Variants in DSCAM observed in about 807,000 individuals in gnomAD.
DSCAM encodes the protein DS cell adhesion molecule.
A neutral mutation model predicts 217.7 loss-of-function variants in DSCAM; 47 were observed. That is an observed-to-expected ratio of 0.22 (90% CI 0.17 to 0.28). The LOEUF is 0.28. Among genes scored for constraint, DSCAM ranks in the 10% least tolerant of loss-of-function variants. The pLI is 1.00. For missense variants in DSCAM, 2,080 were observed against 2,618.3 expected, an observed-to-expected ratio of 0.79 and a Z score of 4.49; for synonymous variants, 1,056 against 1,015.3, an observed-to-expected ratio of 1.04 and a Z score of -0.76.
intron 3 of DSCAM, among the ~76,000 whole-genome samples, chr21:40,690,066 T>G (rs998139261): frequency 3.3e-5 from 5 of 152,188 alleles, no homozygotes; most frequent in African/African-American, 1.2e-4. Context: ...TCCTTATCTG[T>G]GCCTTGTGCT....
intron 1 of DSCAM, among the ~76,000 whole-genome samples, chr21:40,811,408 C>T (rs549051108): frequency 9.8e-4 from 149 of 152,328 alleles, no homozygotes; most frequent in African/African-American, 3.5e-3. Flanking sequence ...TGATAACCTA[C>T]CAAATACTTG....
intron 6 of DSCAM, among the ~76,000 whole-genome samples, chr21:40,344,122 C>T (rs2074531854): frequency 6.6e-6 from 1 of 152,110 alleles, no homozygotes; most frequent in Non-Finnish European, 1.5e-5. Flanking sequence ...TGGTCTCAAA[C>T]TCCTGACCTC....
At chr21:40,119,131 G>T (rs1361712971) in intron 20 of DSCAM, among the ~76,000 whole-genome samples, 1 of 152,178 alleles carries the variant, frequency 6.6e-6, no homozygotes, top group South Asian at 2.1e-4. Flanking sequence ...ATTGGTTGTT[G>T]TATGGTTGTT....
Position 40,422,586 on chromosome 21 carries a change from G to A in DSCAM, c.509-53341C>T, listed in dbSNP as rs769596949. 2.7e-3 allele frequency among the ~76,000 whole-genome samples: 413 copies of A among 152,258 alleles called. 10 individuals carry two copies. Among genetic ancestry groups the A allele is most frequent in the Non-Finnish European group, 5.7e-4 (39 of 68,026 alleles). ...GAATTCAGGAGGCGGAGGTTGCAGTGAGCCAAGATCGCGCCACTGCCCTCC... is the reference window on the plus strand; with the variant it reads ...GAATTCAGGAGGCGGAGGTTGCAGTAAGCCAAGATCGCGCCACTGCCCTCC... On this transcript the variant is annotated intron_variant, in intron 3 of 32. Coordinates refer to ENST00000400454, the MANE Select transcript of DSCAM (RefSeq NM_001389.5).
chr21:40,587,618 A>T (rs748882882), intron 3 of DSCAM, among the ~76,000 whole-genome samples: 1 of 152,216 alleles, frequency 6.6e-6, no homozygotes, highest in Admixed American at 6.5e-5. Context: ...AATTTTATGA[A>T]AAGTATAATC....
intron 18 of DSCAM, among the ~76,000 whole-genome samples, chr21:40,141,102 T>C (rs1660079834): frequency 6.6e-6 from 1 of 152,214 alleles, no homozygotes; most frequent in Non-Finnish European, 1.5e-5. Flanking sequence ...GAGCCAGTAA[T>C]GCTTGTGCTG....
At chr21:40,470,927 A>G (rs1418118132) in intron 3 of DSCAM, among the ~76,000 whole-genome samples, 1 of 152,230 alleles carries the variant, frequency 6.6e-6, no homozygotes, top group East Asian at 1.9e-4. Context: ...AGAATGCCAC[A>G]TGTAGAAGAC....
At chr21:40,555,272 T>C (rs986528135) in intron 3 of DSCAM, among the ~76,000 whole-genome samples, 2 of 152,182 alleles carry the variant, frequency 1.3e-5, no homozygotes, top group Non-Finnish European at 2.9e-5. Flanking sequence ...AAAGCACACG[T>C]GATCTTGAGC....
chr21:40,248,401 C>A (rs1337808937), intron 11 of DSCAM, among the ~76,000 whole-genome samples: 1 of 152,182 alleles, frequency 6.6e-6, no homozygotes, highest in Non-Finnish European at 1.5e-5. Flanking sequence ...TGCTTTGCTG[C>A]TTAGAAATTT....
intron 11 of DSCAM, among the ~76,000 whole-genome samples, chr21:40,219,364 G>T (rs73213107): frequency 0.043 from 6,508 of 152,166 alleles, 322 homozygotes; most frequent in African/African-American, 0.12. Context: ...TTTTAAAAAT[G>T]CAGCTATATT....
chr21:40,702,727 G>A (rs866256003), intron 2 of DSCAM, among the ~76,000 whole-genome samples: 32 of 151,970 alleles, frequency 2.1e-4, no homozygotes, highest in Middle Eastern at 6.8e-3. Context: ...TTGGATTGAG[G>A]ATTTTTTAAT....
chr21:40,040,982 C>T (rs1420380810), intron 32 of DSCAM, among the ~76,000 whole-genome samples: 1 of 152,102 alleles, frequency 6.6e-6, no homozygotes, highest in Non-Finnish European at 1.5e-5. Flanking sequence ...TTGTCTTTTC[C>T]CCTAAGGAGG....
intron 1 of DSCAM, among the ~76,000 whole-genome samples, chr21:40,837,039 C>A (rs1360635194): frequency 6.6e-6 from 1 of 152,186 alleles, no homozygotes; most frequent in South Asian, 2.1e-4. Flanking sequence ...GAACCAGTGT[C>A]CTCGATCCTT....
At chr21:40,102,373 G>A (rs1170138294) in intron 20 of DSCAM, among the ~76,000 whole-genome samples, 1 of 152,178 alleles carries the variant, frequency 6.6e-6, no homozygotes. Flanking sequence ...CCAAGCCAGA[G>A]CGTTCACATT....
In DSCAM at chr21:40,288,102, G is replaced by A. The variant is rs150073172; in HGVS notation, c.2182+7953C>T. 4.3e-4 allele frequency among the ~76,000 whole-genome samples: 65 copies of A among 152,314 alleles called. No homozygotes were observed. In the East Asian group the frequency reaches 7.1e-3, roughly 17 times the overall value. On this transcript the variant is annotated intron_variant, in intron 10 of 32. Coordinates refer to ENST00000400454, the MANE Select transcript of DSCAM (RefSeq NM_001389.5). ...ACCCTTGCTGGGAGAAGAAAGAGAT[G>A]TGGACAGCTACATAAGGACAAGCTC...
chr21:40,085,835 A>G, intron 22 of DSCAM, 70 bp from the exon 23 acceptor site: 3 of 1,329,732 alleles, frequency 2.3e-6, no homozygotes, highest in South Asian at 4.5e-5. Flanking sequence ...TTGGGGAAAA[A>G]CAGAAAGACT....
chr21:40,723,129 C>T (rs1380650482), intron 1 of DSCAM, among the ~76,000 whole-genome samples: 7 of 148,680 alleles, frequency 4.7e-5, no homozygotes, highest in Non-Finnish European at 8.9e-5. Flanking sequence ...ATTAGGGTAA[C>T]GTAACAGTGT....
At chr21:40,568,044 T>C (rs1263121174) in intron 3 of DSCAM, among the ~76,000 whole-genome samples, 2 of 152,172 alleles carry the variant, frequency 1.3e-5, no homozygotes, top group African/African-American at 4.8e-5. Context: ...TTCTTGATAG[T>C]GTAGATAATC....
At chr21:40,334,743 A>T (rs1327731295) in intron 8 of DSCAM, among the ~76,000 whole-genome samples, 2 of 152,040 alleles carry the variant, frequency 1.3e-5, no homozygotes, top group African/African-American at 4.8e-5. Flanking sequence ...AAACTACTAG[A>T]CTGGAAGTAT....
Sources: gnomAD v4.1 joint callset for allele counts (sites outside exome capture counted in the v4.1 genomes callset) on GRCh38, gnomAD v4.1.1 for gene constraint, MANE v1.5 for transcripts, NCBI Gene and HGNC (gene_info 2026-07-23, HGNC 2026-07-21) for gene names.